The following MDGA2 variants were observed in gnomAD, a reference collection of about 807,000 sequenced individuals.
MDGA2 encodes the protein MAM domain containing glycosylphosphatidylinositol anchor 2, also known as MAM domain-containing glycosylphosphatidylinositol anchor protein 2.
A neutral mutation model predicts 117.8 loss-of-function variants in MDGA2; 40 were observed. The observed-to-expected ratio is 0.34, with a 90% CI of 0.26 to 0.44. The LOEUF (loss-of-function observed/expected upper bound fraction) is 0.44, where lower values mean the gene tolerates loss of function less well. MDGA2 is among the 20% of genes least tolerant of loss of function. The pLI is 1.00. For synonymous variants in MDGA2, 452 were observed against 439.0 expected (o/e 1.03, Z -0.37); for missense variants, 1,123 against 1,250.6 (o/e 0.90, Z 1.54).
At chr14:47,499,192 G>C (rs1894346747) in intron 1 of MDGA2, among the ~76,000 whole-genome samples, 1 of 152,074 alleles carries the variant, frequency 6.6e-6, no homozygotes, top group Non-Finnish European at 1.5e-5. Flanking sequence ...ATGGAACAAA[G>C]TTGCATAAAA....
chr14:47,434,413 T>C (rs1892858083), intron 1 of MDGA2, among the ~76,000 whole-genome samples: 1 of 152,106 alleles, frequency 6.6e-6, no homozygotes, highest in Admixed American at 6.6e-5. Context: ...TTTGTAGCAT[T>C]GTGAAACTTT....
At chr14:47,472,933 T>C (rs1455038759) in intron 1 of MDGA2, among the ~76,000 whole-genome samples, 1 of 151,988 alleles carries the variant, frequency 6.6e-6, no homozygotes, top group Non-Finnish European at 1.5e-5. Flanking sequence ...TACTTCTTGT[T>C]GATAGTATTC....
intron 5 of MDGA2, among the ~76,000 whole-genome samples, chr14:47,114,883 G>A (rs907411669): frequency 6.0e-5 from 9 of 149,606 alleles, no homozygotes; most frequent in Admixed American, 2.0e-4. Flanking sequence ...TGACAAAAAC[G>A]TCAAAAGCAA....
intron 10 of MDGA2, among the ~76,000 whole-genome samples, chr14:46,918,889 G>A (rs1045165093): frequency 6.6e-6 from 1 of 151,598 alleles, no homozygotes; most frequent in East Asian, 2.0e-4. Context: ...AGCCTCCCGA[G>A]TAGCTGGGAC....
At chr14:47,200,391 A>G (rs1034110476) in intron 3 of MDGA2, among the ~76,000 whole-genome samples, 10 of 152,062 alleles carry the variant, frequency 6.6e-5, no homozygotes, top group African/African-American at 2.2e-4. Context: ...TTCTAAAACT[A>G]TTCTTTTTAT....
chr14:47,216,261 A>G (rs1886084970), intron 3 of MDGA2, among the ~76,000 whole-genome samples: 1 of 152,188 alleles, frequency 6.6e-6, no homozygotes, highest in Non-Finnish European at 1.5e-5. Flanking sequence ...AGATTTTTAA[A>G]TTATCAGACC....
intron 3 of MDGA2, among the ~76,000 whole-genome samples, chr14:47,152,419 A>T (rs1883197611): frequency 6.6e-6 from 1 of 152,156 alleles, no homozygotes; most frequent in East Asian, 1.9e-4. Context: ...TTGGGCCAGG[A>T]TGTTTGGAAG....
chr14:47,414,914 A>G (rs1892444991), intron 1 of MDGA2, among the ~76,000 whole-genome samples: 1 of 152,114 alleles, frequency 6.6e-6, no homozygotes, highest in Non-Finnish European at 1.5e-5. Flanking sequence ...ATTTAGATAT[A>G]ATTCTATTGC....
intron 2 of MDGA2, among the ~76,000 whole-genome samples, chr14:47,274,262 C>G (rs557579453): frequency 1.1e-4 from 16 of 152,168 alleles, no homozygotes; most frequent in African/African-American, 3.9e-4. Flanking sequence ...CAGCCCTAAA[C>G]GACCACTATT....
chr14:47,306,450 T>C (rs1889447622), intron 1 of MDGA2, among the ~76,000 whole-genome samples: 1 of 152,162 alleles, frequency 6.6e-6, no homozygotes, highest in Admixed American at 6.5e-5. Flanking sequence ...TTTTCAGTAA[T>C]GGCGATGCTT....
chr14:46,855,431 G>T lies in MDGA2; in HGVS notation c.2753-277C>A, dbSNP rs925578213. ...ATGGGGAGATTATTCTAGATTATTA[G>T]GGTGAGTCCTAAATGCAATTACATA... On this transcript the variant is annotated intron_variant, in intron 14 of 16. Transcript: ENST00000399232. The surrounding 1 kb of genome is among the most constrained non-coding windows in gnomAD (Gnocchi z 4.1). Among the ~76,000 whole-genome samples the T allele has an allele frequency of 6.6e-6, 1 of 152,110 alleles. No homozygotes were observed. The highest frequency in any genetic ancestry group is 1.5e-5 in the Non-Finnish European group (1 of 67,994).
chr14:47,128,176 C>A (rs1360792736), intron 5 of MDGA2, among the ~76,000 whole-genome samples: 1 of 152,112 alleles, frequency 6.6e-6, no homozygotes, highest in African/African-American at 2.4e-5. Flanking sequence ...ATTCTCAAAA[C>A]AATCCAGTGA....
intron 1 of MDGA2, among the ~76,000 whole-genome samples, chr14:47,592,704 C>G (rs1896463983): frequency 6.6e-6 from 1 of 152,052 alleles, no homozygotes; most frequent in African/African-American, 2.4e-5. Context: ...TGAAACTGAA[C>G]CATTTCCTTA....
Position 47,049,747 on chromosome 14 carries a change from A to T in MDGA2, c.1525+11502T>A, listed in dbSNP as rs375754147. 7.1e-4 allele frequency among the ~76,000 whole-genome samples: 108 copies of T among 152,104 alleles called. 1 individual carries two copies. Among genetic ancestry groups the T allele is most frequent in the African/African-American group, 2.5e-3 (102 of 41,546 alleles). On this transcript the variant is annotated intron_variant, in intron 7 of 16. Coordinates refer to ENST00000399232, the MANE Select transcript of MDGA2 (RefSeq NM_001113498.3). ...TTCATATTCTGCATAGAATGTTTTC[A>T]AAAGTGCAGTGGCAGTCTTCTCTTT...
rs1566530329 is a variant in MDGA2, at chr14:46,929,632, TA to T, written c.2090-9473del. Among the ~76,000 whole-genome samples, 68 of 36,448 alleles carry T rather than the reference TA, an allele frequency of 1.9e-3. 6 individuals carry two copies. Among genetic ancestry groups the T allele is most frequent in the African/African-American group, 3.9e-3 (37 of 9,410 alleles). The allele number at this position is 36,448 out of a possible 152,430, so 23.9% of individuals were successfully genotyped here. On this transcript the variant is annotated intron_variant, in intron 9 of 16. Coordinates refer to ENST00000399232, the MANE Select transcript of MDGA2 (RefSeq NM_001113498.3). ...ATATATATATATATATATATATATATATATATATATATATACATTTTTTTTT... is the reference window on the plus strand; with the variant it reads ...ATATATATATATATATATATATATATTATATATATATATACATTTTTTTTT...
chr14:47,133,803 C>A (rs938247105), intron 4 of MDGA2, among the ~76,000 whole-genome samples: 2 of 152,000 alleles, frequency 1.3e-5, no homozygotes, highest in Non-Finnish European at 2.9e-5. Flanking sequence ...CTCTGTCTCT[C>A]AGCTAGATCC....
intron 1 of MDGA2, among the ~76,000 whole-genome samples, chr14:47,348,197 T>C (rs1489832144): frequency 7.1e-6 from 1 of 141,466 alleles, no homozygotes; most frequent in African/African-American, 2.6e-5. Flanking sequence ...GTGTGTGTGC[T>C]TAAAATAGGA....
intron 1 of MDGA2, among the ~76,000 whole-genome samples, chr14:47,442,984 T>C (rs1165820842): frequency 6.6e-6 from 1 of 152,130 alleles, no homozygotes; most frequent in Non-Finnish European, 1.5e-5. Context: ...TGTCACTGAA[T>C]TGCCGTTCTT....
intron 1 of MDGA2, among the ~76,000 whole-genome samples, chr14:47,445,108 T>A (rs533016328): frequency 6.6e-5 from 10 of 152,146 alleles, no homozygotes; most frequent in African/African-American, 2.4e-4. Flanking sequence ...CTAAACCTGG[T>A]GTATGGGTGG....
Sources: allele counts gnomAD v4.1 joint callset (sites outside exome capture counted in the v4.1 genomes callset), GRCh38; gene constraint gnomAD v4.1.1; non-coding constraint Gnocchi (gnomAD v3.1); transcripts MANE v1.5; gene names NCBI Gene and HGNC (gene_info 2026-07-23, HGNC 2026-07-21).